The following TRPC4 variants were observed in gnomAD, a reference collection of about 807,000 sequenced individuals.
TRPC4 encodes transient receptor potential cation channel subfamily C member 4.
In TRPC4, 49 loss-of-function variants were observed where a neutral mutation model predicts 99.4. That is an observed-to-expected ratio of 0.49 (90% CI 0.39 to 0.63). The LOEUF is 0.63. TRPC4 is among the 20% of genes least tolerant of loss of function. TRPC4 has a pLI of 0.00. For synonymous variants in TRPC4, 454 were observed against 425.9 expected, an observed-to-expected ratio of 1.07 and a Z score of -0.81; for missense variants, 898 against 1,152.9, an observed-to-expected ratio of 0.78 and a Z score of 3.20.
chr13:37,733,603 A>T (rs781215298), intron 3 of TRPC4, among the ~76,000 whole-genome samples: 5 of 152,204 alleles, frequency 3.3e-5, no homozygotes, highest in Non-Finnish European at 7.3e-5. Context: ...ATATTTAATC[A>T]TGATTAAATA....
chr13:37,686,330 A>G (rs1254342204), intron 4 of TRPC4, among the ~76,000 whole-genome samples: 1 of 152,070 alleles, frequency 6.6e-6, no homozygotes, highest in Non-Finnish European at 1.5e-5. Flanking sequence ...ACATACATAT[A>G]TATGTATGTG....
intron 5 of TRPC4, among the ~76,000 whole-genome samples, chr13:37,669,910 C>A (rs1952777724): frequency 6.6e-6 from 1 of 152,094 alleles, no homozygotes; most frequent in Non-Finnish European, 1.5e-5. Flanking sequence ...TGCATCTCCC[C>A]AGATTGAGCC....
chr13:37,801,982 T>C (rs1212695700), intron 1 of TRPC4, among the ~76,000 whole-genome samples: 1 of 152,088 alleles, frequency 6.6e-6, no homozygotes, highest in East Asian at 1.9e-4. Context: ...TACATATAAA[T>C]CAATGAAGAT....
rs1418725858 is a variant in TRPC4, at chr13:37,824,127, C to A, written c.-27-40767G>T. ...TGATTTTTGTACATTGATTTTGTAT[C>A]CTGAGACTTTGCTGAAGTTGCTTAT... On this transcript the variant is annotated intron_variant, in intron 1 of 10. Transcript: ENST00000379705. Among the ~76,000 whole-genome samples the A allele has an allele frequency of 2.0e-5, 3 of 149,586 alleles. No individual in the cohort carries two copies. In the Admixed American group the frequency reaches 2.0e-4, roughly 10 times the overall value.
intron 1 of TRPC4, among the ~76,000 whole-genome samples, chr13:37,840,602 G>T (rs1023044234): frequency 2.6e-5 from 4 of 151,434 alleles, no homozygotes; most frequent in African/African-American, 9.7e-5. Context: ...TCAAATATAG[G>T]CAGTTTTATA....
Position 37,746,347 on chromosome 13 carries a change from G to C in TRPC4, c.487C>G (p.Gln163Glu), listed in dbSNP as rs752905641. 1 of 1,613,638 alleles carries C rather than the reference G, an allele frequency of 6.2e-7. No individual in the cohort carries two copies. The highest frequency in any genetic ancestry group is 1.1e-5 in the South Asian group (1 of 91,060). Residue 163 changes from glutamine (Q) to glutamate (E), a missense_variant, in exon 3 of 11, where the codon CAG (glutamine) becomes GAG (glutamate). Gln to Glu is a conservative substitution (Grantham distance 29). Around this residue, in one of 3 missense-constraint regions of TRPC4, gnomAD observed 278 missense variants for 346.6 expected, o/e 0.80. Transcript: ENST00000379705. ...GGTCGAGGCACTGAGACTCCTTTCT[G>C]AACCAAGAGTTTTATTATCTCATAA... ...NNYEIIKLLVQKGVSVPRPHE... is the reference protein window; with the variant it reads ...NNYEIIKLLVEKGVSVPRPHE...
At chr13:37,638,517 A>G (rs1461257450) in intron 10 of TRPC4, among the ~76,000 whole-genome samples, 3 of 152,142 alleles carry the variant, frequency 2.0e-5, no homozygotes, top group South Asian at 2.1e-4. Flanking sequence ...TCTCTAAACA[A>G]TCACTCAATA....
intron 2 of TRPC4, among the ~76,000 whole-genome samples, chr13:37,758,937 T>A (rs1357320297): frequency 6.6e-6 from 1 of 151,652 alleles, no homozygotes. Flanking sequence ...AATATATGCA[T>A]TTAGTACCAT....
intron 1 of TRPC4, among the ~76,000 whole-genome samples, chr13:37,804,385 C>T (rs573690308): frequency 3.9e-5 from 6 of 152,100 alleles, no homozygotes; most frequent in East Asian, 3.9e-4. Flanking sequence ...GGCAATCTGG[C>T]GCCAGACTCC....
chr13:37,850,104 T>C (rs776785444), intron 1 of TRPC4, among the ~76,000 whole-genome samples: 4 of 152,224 alleles, frequency 2.6e-5, no homozygotes, highest in African/African-American at 4.8e-5. Context: ...AAATATATTC[T>C]ATCAAGATTT....
rs1167884529 is a variant in TRPC4, at chr13:37,783,193, A to T, written c.141T>A (p.Ser47Arg). Reference sequence around the variant, plus strand: ...CAGCTTCCTCTAGGGATTTCTTGACACTGGCATAATCTCCCTTTTCCACAG... The same window carrying T: ...CAGCTTCCTCTAGGGATTTCTTGACTCTGGCATAATCTCCCTTTTCCACAG... The part of the protein sequence containing the change: ...LNAVEKGDYA[S>R]VKKSLEEAEI... The change falls in exon 2 of 11, where the codon AGT becomes AGA. Residue 47 changes from serine (S) to arginine (R), a missense_variant. Physicochemically the swap from Ser to Arg is moderately radical, Grantham distance 110. Transcript: ENST00000379705. 2 of 1,613,726 alleles carry T rather than the reference A, an allele frequency of 1.2e-6. No homozygotes were observed. The highest frequency in any genetic ancestry group is 8.5e-7 in the Non-Finnish European group (1 of 1,179,778).
intron 4 of TRPC4, among the ~76,000 whole-genome samples, chr13:37,682,604 A>G (rs1953286004): frequency 6.6e-6 from 1 of 152,150 alleles, no homozygotes; most frequent in African/African-American, 2.4e-5. Context: ...TTTTCCTTCC[A>G]GGGCCTACTA....
At chr13:37,690,056 G>A (rs1407424593) in intron 4 of TRPC4, among the ~76,000 whole-genome samples, 2 of 151,992 alleles carry the variant, frequency 1.3e-5, no homozygotes, top group African/African-American at 4.8e-5. Flanking sequence ...TCTGCGTTTG[G>A]GAAACTAGAA....
chr13:37,865,349 T>A (rs1237003477), intron 1 of TRPC4, among the ~76,000 whole-genome samples: 1 of 151,710 alleles, frequency 6.6e-6, no homozygotes, highest in East Asian at 1.9e-4. Context: ...AGCTTACAGA[T>A]GGTCAAAAGG....
At chr13:37,781,388 C>T (rs972135447) in intron 2 of TRPC4, among the ~76,000 whole-genome samples, 24 of 151,926 alleles carry the variant, frequency 1.6e-4, no homozygotes, top group African/African-American at 2.4e-4. Context: ...AATGCAAATA[C>T]TTGAGAGGTA....
At chr13:37,771,350 TTGC>T (rs1956545226) in intron 2 of TRPC4, among the ~76,000 whole-genome samples, 1 of 151,816 alleles carries the variant, frequency 6.6e-6, no homozygotes. Flanking sequence ...GGTTGTTCCC[TTGC>T]TGCTCTGCTA....
At chr13:37,849,823 A>G (rs1188965900) in intron 1 of TRPC4, among the ~76,000 whole-genome samples, 2 of 152,232 alleles carry the variant, frequency 1.3e-5, no homozygotes, top group Non-Finnish European at 2.9e-5. Flanking sequence ...GGAAGATGGC[A>G]TTTCTCTCAT....
intron 5 of TRPC4, among the ~76,000 whole-genome samples, chr13:37,664,340 G>A (rs531316750): frequency 9.3e-4 from 141 of 152,222 alleles, no homozygotes; most frequent in African/African-American, 3.2e-3. Context: ...TTGGGAGGCC[G>A]AAGCTGGCGA....
intron 3 of TRPC4, among the ~76,000 whole-genome samples, chr13:37,737,274 C>A (rs2139114063): frequency 6.6e-6 from 1 of 151,736 alleles, no homozygotes; most frequent in African/African-American, 2.4e-5. Context: ...TAGATAGCCA[C>A]TCTTTCATGA....
Sources: gnomAD v4.1 joint callset for allele counts (sites outside exome capture counted in the v4.1 genomes callset) on GRCh38, gnomAD v4.1.1 for gene constraint, gnomAD v4.1.1 regional missense constraint, MANE v1.5 for transcripts, NCBI Gene and HGNC (gene_info 2026-07-23, HGNC 2026-07-21) for gene names.